Variants in PLEKHA5 observed in about 807,000 individuals in gnomAD.
PLEKHA5 encodes the protein pleckstrin homology domain-containing family A member 5.
In PLEKHA5, 55 loss-of-function variants were observed where a neutral mutation model predicts 181.9. The ratio of observed to expected loss-of-function variants is 0.30; its 90% CI spans 0.24 to 0.38. The LOEUF is 0.38. Among genes scored for constraint, PLEKHA5 ranks in the 10% least tolerant of loss-of-function variants. The pLI is 1.00. For synonymous variants in PLEKHA5, 535 were observed against 529.4 expected (o/e 1.01, Z -0.15); for missense variants, 1,432 against 1,549.5 (o/e 0.92, Z 1.27).
chr12:19,350,661 C>T (rs1393590402), intron 25 of PLEKHA5, among the ~76,000 whole-genome samples: 6 of 151,968 alleles, frequency 3.9e-5, no homozygotes, highest in South Asian at 2.1e-4. Flanking sequence ...TCCAGCTACT[C>T]GGGAGGCAGA....
intron 24 of PLEKHA5, 32 bp downstream of exon 24, chr12:19,347,214 A>G (rs2094377487): frequency 8.1e-7 from 1 of 1,230,776 alleles, no homozygotes; most frequent in Non-Finnish European, 1.1e-6. Flanking sequence ...AGAATAATCA[A>G]TCCTACATGT....
chr12:19,208,727 C>G (rs1324224794), intron 3 of PLEKHA5, among the ~76,000 whole-genome samples: 1 of 152,092 alleles, frequency 6.6e-6, no homozygotes, highest in Admixed American at 6.6e-5. Context: ...ATTAACAGAT[C>G]TAGGGGCAAG....
intron 3 of PLEKHA5, among the ~76,000 whole-genome samples, chr12:19,253,090 T>TTTTTTTTTTTTTTTTTTG (rs2065840503): frequency 8.0e-6 from 1 of 125,730 alleles, no homozygotes; most frequent in Non-Finnish European, 1.6e-5. Flanking sequence ...TTTTTTTTTT[T>TTTTTTTTTTTTTTTTTTG]GGGAGACAGA....
chr12:19,333,221 G>GT (rs2093025936), intron 20 of PLEKHA5, among the ~76,000 whole-genome samples: 1 of 152,016 alleles, frequency 6.6e-6, no homozygotes. Flanking sequence ...GGAGGCAGAG[G>GT]TTGCGATGAG....
chr12:19,173,583 A>G lies in PLEKHA5; in HGVS notation c.227+41133A>G, dbSNP rs1303254895. On this transcript the variant is annotated intron_variant, in intron 3 of 31. Coordinates refer to ENST00000429027, the MANE Select transcript of PLEKHA5 (RefSeq NM_001256470.2). ...CAGGTAACAGTAATGACATGGTACT[A>G]ATACTTTTTATTAGCAGTAAGACCT... Among the ~76,000 whole-genome samples, 3 of 152,226 alleles carry G rather than the reference A, an allele frequency of 2.0e-5. No individual in the cohort carries two copies. The East Asian group carries it at 5.8e-4, about 29-fold the overall frequency.
In PLEKHA5 at chr12:19,257,413, C is replaced by T. The variant is rs1458678908; in HGVS notation, c.433-20C>T. On this transcript the variant is annotated intron_variant, in intron 5 of 31. Coordinates refer to ENST00000429027, the MANE Select transcript of PLEKHA5 (RefSeq NM_001256470.2). ...TAGGCATTAATACCACATTTTCTGT[C>T]ATGCTCTTTTTCTATTTAGACTTCA... 1.6e-6 allele frequency: 2 copies of T among 1,222,404 alleles called. No homozygotes were observed. Among genetic ancestry groups the T allele is most frequent in the Admixed American group, 1.9e-5 (1 of 52,700 alleles). 75.7% of individuals were successfully genotyped at this position (1,222,404 alleles called of 1,614,324 possible).
chr12:19,352,490 T>G (rs1437046845), intron 25 of PLEKHA5, among the ~76,000 whole-genome samples: 1 of 152,100 alleles, frequency 6.6e-6, no homozygotes, highest in Non-Finnish European at 1.5e-5. Flanking sequence ...GTATGATTTT[T>G]TTAAAGCCAA....
At position 19,185,483 on chromosome 12, in the gene PLEKHA5, G is replaced by A. The variant is rs140394361; in HGVS notation, c.227+53033G>A. 4.0e-3 allele frequency among the ~76,000 whole-genome samples: 612 copies of A among 152,288 alleles called. 4 individuals are homozygous for A. The highest frequency in any genetic ancestry group is 0.014 in the African/African-American group (573 of 41,542). ...AATAACAGAGAGAAAGACAGAGAGA[G>A]GAGGGGTAGGGATGGCCTGGGAGGA... On this transcript the variant is annotated intron_variant, in intron 3 of 31. Coordinates refer to ENST00000429027, the MANE Select transcript of PLEKHA5 (RefSeq NM_001256470.2).
chr12:19,311,440 C>G (rs1304454040), intron 15 of PLEKHA5, among the ~76,000 whole-genome samples: 2 of 148,254 alleles, frequency 1.3e-5, no homozygotes, highest in African/African-American at 2.5e-5. Context: ...AAAACTCTGT[C>G]TCGAAAAATT....
chr12:19,171,140 G>A (rs1014902838), intron 3 of PLEKHA5, among the ~76,000 whole-genome samples: 2 of 152,130 alleles, frequency 1.3e-5, no homozygotes, highest in African/African-American at 4.8e-5. Context: ...TTATAAAGGG[G>A]CTCTATAGAG....
chr12:19,308,461 G>T (rs1219188394), intron 15 of PLEKHA5, among the ~76,000 whole-genome samples: 1 of 152,170 alleles, frequency 6.6e-6, no homozygotes, highest in African/African-American at 2.4e-5. Flanking sequence ...ATCTGATGGT[G>T]TAACCCGTTT....
intron 15 of PLEKHA5, among the ~76,000 whole-genome samples, chr12:19,294,180 G>C (rs1306547767): frequency 6.6e-6 from 1 of 152,006 alleles, no homozygotes; most frequent in African/African-American, 2.4e-5. Flanking sequence ...CAAAAACTCA[G>C]ATATACTTAA....
rs528108172 is a variant in PLEKHA5, at chr12:19,157,729, C to T, written c.227+25279C>T. Among the ~76,000 whole-genome samples, 3 of 152,204 alleles carry T rather than the reference C, an allele frequency of 2.0e-5. No homozygotes were observed. The East Asian group carries it at 5.8e-4, about 29-fold the overall frequency. On this transcript the variant is annotated intron_variant, in intron 3 of 31. Transcript: ENST00000429027. ...AATCTTGCAAATGAGGACCCTAAAC[C>T]TTACAGGGCTGGCAGAGCTGGGATT...
intron 3 of PLEKHA5, 101 bp downstream of exon 3, chr12:19,132,551 A>C: frequency 1.5e-6 from 1 of 687,790 alleles, no homozygotes; most frequent in Non-Finnish European, 2.6e-6. Flanking sequence ...GATTTTCTGA[A>C]GTTTATCATA....
intron 3 of PLEKHA5, among the ~76,000 whole-genome samples, chr12:19,156,248 A>G (rs1489906684): frequency 2.7e-5 from 4 of 148,398 alleles, no homozygotes; most frequent in Admixed American, 6.8e-5. Context: ...TGAGCAAGCC[A>G]GTCATTTCTT....
Position 19,247,402 on chromosome 12 carries a change from A to G in PLEKHA5, c.228-6538A>G, listed in dbSNP as rs2152495221. On this transcript the variant is annotated intron_variant, in intron 3 of 31. Coordinates refer to ENST00000429027, the MANE Select transcript of PLEKHA5 (RefSeq NM_001256470.2). ...AGCCCAGGTGTTCCAGTAGTTACCT[A>G]CGTAATTCATTATTTGGTTTATAAA... Among the ~76,000 whole-genome samples, 2 of 152,308 alleles carry G rather than the reference A, an allele frequency of 1.3e-5. 1 individual carries two copies. The highest frequency in any genetic ancestry group is 4.1e-4 in the South Asian group (2 of 4,828).
chr12:19,173,337 C>G lies in PLEKHA5; in HGVS notation c.227+40887C>G, dbSNP rs1407104095. On this transcript the variant is annotated intron_variant, in intron 3 of 31. Transcript: ENST00000429027. ...CGCGCCCGGCCCTTGATTTCCCTTT[C>G]TTGTATGCATACACCCATACACATA... 2.6e-5 allele frequency among the ~76,000 whole-genome samples: 4 copies of G among 152,212 alleles called. No homozygotes were observed. In the East Asian group the frequency reaches 5.8e-4, roughly 22 times the overall value.
chr12:19,280,475 A>C (rs993510858), intron 11 of PLEKHA5, among the ~76,000 whole-genome samples: 3 of 152,154 alleles, frequency 2.0e-5, no homozygotes, highest in African/African-American at 7.2e-5. Context: ...TGATTTTCCC[A>C]TCAAATATTT....
Position 19,358,317 on chromosome 12 carries a change from A to G in PLEKHA5, c.3228A>G (p.Arg1076=). The G allele has an allele frequency of 6.2e-7, 1 of 1,613,950 alleles. No individual in the cohort carries two copies. The highest frequency in any genetic ancestry group is 8.5e-7 in the Non-Finnish European group (1 of 1,179,850). Residue 1076 remains arginine, a synonymous_variant, in exon 27 of 32, where the codon AGA becomes AGG. Transcript: ENST00000429027. ...TGGAAGAGCAAATGGAAAGAATAAG[A>G]AGACATCAACAAGCGTGCCTGAGGG... ...MTVEEQMERI[R]RHQQACLREK...
Sources: allele counts gnomAD v4.1 joint callset (sites outside exome capture counted in the v4.1 genomes callset), GRCh38; gene constraint gnomAD v4.1.1; transcripts MANE v1.5; gene names NCBI Gene and HGNC (gene_info 2026-07-23, HGNC 2026-07-21).